Variants in ZNF254 observed in about 807,000 individuals in gnomAD.
ZNF254 encodes CTD-2017D11.1.
A neutral mutation model predicts 12.4 loss-of-function variants in ZNF254; 10 were observed. The observed-to-expected ratio is 0.80, with a 90% CI of 0.50 to 1.36. The LOEUF is 1.36. Among genes scored for constraint, ZNF254 ranks in the 40% most tolerant of loss-of-function variants. The probability of loss-of-function intolerance (pLI) is 0.00; values close to 1 mark genes in which losing one functional copy is unlikely to be tolerated. For missense variants in ZNF254, 996 were observed against 763.9 expected (o/e 1.30, Z -3.58); for synonymous variants, 305 against 253.4 (o/e 1.20, Z -1.93).
At chr19:24,097,396 T>C (rs1437222489) in intron 1 of ZNF254, among the ~76,000 whole-genome samples, 1 of 152,048 alleles carries the variant, frequency 6.6e-6, no homozygotes, top group Non-Finnish European at 1.5e-5. Flanking sequence ...ATTATAAAGA[T>C]TAAAAGATAC....
chr19:24,103,166 A>G (rs760569651), intron 1 of ZNF254, among the ~76,000 whole-genome samples: 3 of 152,106 alleles, frequency 2.0e-5, no homozygotes, highest in Non-Finnish European at 4.4e-5. Context: ...AGAAAATAAT[A>G]TGATACTTTA....
intron 3 of ZNF254, among the ~76,000 whole-genome samples, chr19:24,118,787 A>C (rs778527498): frequency 7.9e-5 from 12 of 152,010 alleles, no homozygotes; most frequent in Non-Finnish European, 1.5e-4. Flanking sequence ...GATTATTGTC[A>C]TGTGTTTCCC....
At chr19:24,075,481 C>T (rs187097244) in intron 2 of ZNF254, among the ~76,000 whole-genome samples, 37 of 152,214 alleles carry the variant, frequency 2.4e-4, no homozygotes, top group East Asian at 7.7e-4. Context: ...ACGATGCCCC[C>T]GAGCCGCAAA....
intron 2 of ZNF254, among the ~76,000 whole-genome samples, chr19:24,047,747 G>GCGT (rs1568425395): frequency 1.3e-5 from 2 of 150,204 alleles, no homozygotes; most frequent in Non-Finnish European, 3.0e-5. Context: ...GAGTGCAATG[G>GCGT]CGTGATCTTG....
Position 24,126,632 on chromosome 19 carries a change from A to G in ZNF254, c.632A>G (p.Lys211Arg), listed in dbSNP as rs772393551. The change falls in exon 4 of 4, where the codon AAA becomes AGA. Residue 211 changes from lysine to arginine, a missense_variant. Lys to Arg is a conservative substitution (Grantham distance 26). Coordinates refer to ENST00000357002, the MANE Select transcript of ZNF254 (RefSeq NM_203282.4). The stretch of plus-strand genomic sequence containing the variant: ...ATTTATCATAGAGAGAAGTCCTACA[A>G]ATGTAAAGAATGTGGAAAAACCTTT... ...KSIYHREKSY[K>R]CKECGKTFNW... is the part of the protein sequence containing the mutation. 96 of 1,610,470 alleles carry G rather than the reference A, an allele frequency of 6.0e-5. 3 individuals are homozygous for G. The South Asian group carries it at 1.1e-3, about 18-fold the overall frequency.
chr19:24,108,705 A>G (rs1973483735), intron 3 of ZNF254, among the ~76,000 whole-genome samples: 1 of 152,156 alleles, frequency 6.6e-6, no homozygotes, highest in African/African-American at 2.4e-5. Flanking sequence ...AGGCACCTTT[A>G]ATTTTTTATC....
chr19:24,119,603 T>C (rs1433115490), intron 3 of ZNF254, among the ~76,000 whole-genome samples: 3 of 152,048 alleles, frequency 2.0e-5, no homozygotes, highest in Non-Finnish European at 2.9e-5. Flanking sequence ...GATTCTCTGA[T>C]TGCAGCCTCT....
At chr19:24,124,985 A>T (rs1426099395) in intron 3 of ZNF254, among the ~76,000 whole-genome samples, 4 of 151,868 alleles carry the variant, frequency 2.6e-5, no homozygotes, top group Non-Finnish European at 5.9e-5. Context: ...GGGTTTTGCC[A>T]TGTTGGTCAG....
At chr19:24,039,001 G>A (rs1970063472) in intron 1 of ZNF254, among the ~76,000 whole-genome samples, 1 of 152,160 alleles carries the variant, frequency 6.6e-6, no homozygotes, top group Admixed American at 6.5e-5. Flanking sequence ...GGTGCCTTTG[G>A]CTTGCTTTTC....
In ZNF254 at chr19:24,106,619, C is replaced by G. The variant is rs1240882431; in HGVS notation, c.229C>G (p.His77Asp). ...GAAAGAGCCCTGGAATATGAAGCGA[C>G]ATGAGATGGTGGATGAACCCCCAGG... ...QGKEPWNMKRHEMVDEPPGMC... is the reference protein window; with the variant it reads ...QGKEPWNMKRDEMVDEPPGMC... The change falls in exon 3 of 4, where the codon CAT becomes GAT. Residue 77 changes from histidine to aspartate, a missense_variant. His to Asp is a moderately conservative substitution (Grantham distance 81). Transcript: ENST00000357002. 27 of 1,583,486 alleles carry G rather than the reference C, an allele frequency of 1.7e-5. No individual in the cohort carries two copies. The highest frequency in any genetic ancestry group is 2.1e-5 in the Non-Finnish European group (25 of 1,162,968).
intron 3 of ZNF254, among the ~76,000 whole-genome samples, chr19:24,122,213 A>G (rs1251498491): frequency 2.6e-5 from 4 of 152,022 alleles, no homozygotes; most frequent in African/African-American, 9.7e-5. Flanking sequence ...CATACTGACT[A>G]CCACTTTTTT....
chr19:24,096,202 G>T (rs1345386027), intron 1 of ZNF254, among the ~76,000 whole-genome samples: 2 of 151,828 alleles, frequency 1.3e-5, no homozygotes, highest in African/African-American at 4.8e-5. Flanking sequence ...GGGATTACAG[G>T]CATGTGCCAC....
Position 24,127,239 on chromosome 19 carries a change from A to G in ZNF254, c.1239A>G (p.Lys413=). The G allele has an allele frequency of 6.2e-7, 1 of 1,613,188 alleles. No homozygotes were observed. The highest frequency in any genetic ancestry group is 8.5e-7 in the Non-Finnish European group (1 of 1,179,644). The stretch of plus-strand genomic sequence containing the variant: ...TCTACAAATGTGAAGAATGCGGCAA[A>G]GGTTTTAATCGATCTTCAAATCTTA... ...EKLYKCEECG[K]GFNRSSNLTT... Residue 413 remains lysine (K), a synonymous_variant, in exon 4 of 4, where the codon AAA becomes AAG. Transcript: ENST00000357002.
intron 2 of ZNF254, among the ~76,000 whole-genome samples, chr19:24,050,637 CTG>C (rs1269535011): frequency 7.2e-5 from 11 of 152,186 alleles, no homozygotes; most frequent in African/African-American, 2.7e-4. Context: ...GCAGAAGTCA[CTG>C]TAACATATAT....
Position 24,127,147 on chromosome 19 carries a change from T to A in ZNF254, c.1147T>A (p.Cys383Ser). Reference sequence around the variant, plus strand: ...AGAGAAACGCTACAAATGCTTAGAATGTGGCAAAGCTTTTAAGCAACTCTC... The same window carrying A: ...AGAGAAACGCTACAAATGCTTAGAAAGTGGCAAAGCTTTTAAGCAACTCTC... ...TGEKRYKCLE[C>S]GKAFKQLSTL... Residue 383 changes from cysteine (C) to serine (S), a missense_variant, in exon 4 of 4, where the codon TGT (cysteine) becomes AGT (serine). By Grantham distance (112) the Cys-to-Ser change is moderately radical (BLOSUM62 -1). Transcript: ENST00000357002. 6.2e-7 allele frequency: 1 copy of A among 1,613,454 alleles called. No homozygotes were observed. The highest frequency in any genetic ancestry group is 8.5e-7 in the Non-Finnish European group (1 of 1,179,808).
chr19:24,128,351 A>T lies in ZNF254; in HGVS notation c.*371A>T. On this transcript the variant is annotated 3_prime_UTR_variant, in exon 4 of 4. Transcript: ENST00000357002. ...GCTCACATCTTACTCAAAATTGTAGAGTTCATAGTAAATAAAAGCATTAAA... is the reference window on the plus strand; with the variant it reads ...GCTCACATCTTACTCAAAATTGTAGTGTTCATAGTAAATAAAAGCATTAAA... 5.6e-6 allele frequency: 1 copy of T among 178,726 alleles called. No individual in the cohort carries two copies. The highest frequency in any genetic ancestry group is 1.2e-5 in the Non-Finnish European group (1 of 86,548). The allele number at this position is 178,726 out of a possible 1,614,324, so 11.1% of individuals were successfully genotyped here.
chr19:24,044,546 AAAT>A (rs1970305300), intron 1 of ZNF254, among the ~76,000 whole-genome samples: 4 of 144,984 alleles, frequency 2.8e-5, no homozygotes, highest in Non-Finnish European at 3.0e-5. Context: ...TCAAAAAAAA[AAAT>A]AAATAAATAA....
At chr19:24,036,605 G>C (rs1214877009) in intron 1 of ZNF254, among the ~76,000 whole-genome samples, 1 of 152,068 alleles carries the variant, frequency 6.6e-6, no homozygotes, top group Non-Finnish European at 1.5e-5. Flanking sequence ...ATTGGTTGCT[G>C]TTCAGCAAAC....
At chr19:24,082,987 T>G (rs1568444416), upstream of ZNF254, among the ~76,000 whole-genome samples, 1 of 152,076 alleles carries the variant, frequency 6.6e-6, no homozygotes, top group Non-Finnish European at 1.5e-5. Flanking sequence ...AGAAAAGAAA[T>G]AAGTAGCGAG....
Sources: allele counts gnomAD v4.1 joint callset (sites outside exome capture counted in the v4.1 genomes callset), GRCh38; gene constraint gnomAD v4.1.1; transcripts MANE v1.5; gene names NCBI Gene and HGNC (gene_info 2026-07-23, HGNC 2026-07-21).